Variants in TRDN observed in about 807,000 individuals in gnomAD.
The protein encoded by TRDN is triadin, also known as triadin in skeletal muscle.
Under a neutral mutation model 149.7 loss-of-function variants are expected in TRDN, and 161 were observed. That is an observed-to-expected ratio of 1.08 (90% CI 0.95 to 1.23). The LOEUF is 1.23. Among genes scored for constraint, TRDN ranks in the 50% most tolerant of loss-of-function variants. The pLI is 0.00. For synonymous variants in TRDN, 294 were observed against 250.5 expected (o/e 1.17, Z -1.64); for missense variants, 896 against 823.5 (o/e 1.09, Z -1.08).
intron 5 of TRDN, among the ~76,000 whole-genome samples, chr6:123,520,766 G>A (rs934601037): frequency 6.6e-6 from 1 of 152,050 alleles, no homozygotes; most frequent in African/African-American, 2.4e-5. Flanking sequence ...AACTGTAATC[G>A]CTTTCTCATA....
chr6:123,636,740 A>G lies in TRDN; in HGVS notation c.22+14T>C. On this transcript the variant is annotated intron_variant, in intron 1 of 40. Transcript: ENST00000334268. ...TTTTCCTTACTTGATACTATCGGAAAATGGTAGCAATACCTTCAGCAGTGA... is the reference window on the plus strand; with the variant it reads ...TTTTCCTTACTTGATACTATCGGAAGATGGTAGCAATACCTTCAGCAGTGA... The G allele has an allele frequency of 1.2e-6, 2 of 1,611,408 alleles. No homozygotes were observed. The highest frequency in any genetic ancestry group is 4.5e-5 in the East Asian group (2 of 44,724).
chr6:123,461,711 G>A (rs944210508), intron 10 of TRDN, among the ~76,000 whole-genome samples: 41 of 152,286 alleles, frequency 2.7e-4, no homozygotes, highest in African/African-American at 8.9e-4. Flanking sequence ...CTGTTTAACC[G>A]CTGAGGATTC....
chr6:123,369,206 C>G (rs755343673), intron 19 of TRDN, among the ~76,000 whole-genome samples: 3 of 152,136 alleles, frequency 2.0e-5, no homozygotes, highest in Non-Finnish European at 4.4e-5. Context: ...ATGTGGCAGT[C>G]TTCTGTATGC....
intron 2 of TRDN, among the ~76,000 whole-genome samples, chr6:123,554,784 G>T (rs573097071): frequency 3.3e-5 from 5 of 152,260 alleles, no homozygotes; most frequent in Middle Eastern, 3.4e-3. Context: ...TGGTGGGTCA[G>T]TATATGCATA....
intron 13 of TRDN, chr6:123,389,284 C>G (rs1274976705): frequency 6.6e-6 from 1 of 152,082 alleles, no homozygotes; most frequent in Non-Finnish European, 1.5e-5. Context: ...TAATGTTTAT[C>G]CAGGAGCCAA....
At chr6:123,380,440 C>T (rs1017069328) in intron 16 of TRDN, among the ~76,000 whole-genome samples, 2 of 152,178 alleles carry the variant, frequency 1.3e-5, no homozygotes, top group Admixed American at 1.3e-4. Context: ...AGTAGCTCTG[C>T]ACACACGTAA....
chr6:123,546,804 C>G (rs764473177), intron 4 of TRDN, among the ~76,000 whole-genome samples: 7 of 152,016 alleles, frequency 4.6e-5, no homozygotes, highest in Non-Finnish European at 1.0e-4. Context: ...ACAGCACATC[C>G]AGGCACATCC....
At chr6:123,375,732 G>T in intron 18 of TRDN, 101 bp from the exon 19 acceptor site, 1 of 944,922 alleles carries the variant, frequency 1.1e-6, no homozygotes. Flanking sequence ...AAGATTGTGT[G>T]TATAATATTG....
At chr6:123,610,626 T>G (rs772278508) in intron 1 of TRDN, among the ~76,000 whole-genome samples, 2 of 152,152 alleles carry the variant, frequency 1.3e-5, no homozygotes, top group Non-Finnish European at 2.9e-5. Flanking sequence ...ATGAGACATA[T>G]CCATGCTATG....
rs539379670 is a variant in TRDN at position 123,314,328 on chromosome 6, T to G, written c.1510+2129A>C. On this transcript the variant is annotated intron_variant, in intron 24 of 40. Coordinates refer to ENST00000334268, the MANE Select transcript of TRDN (RefSeq NM_006073.4). ...ATCTCACACCAGCCAGAATAGCTAT[T>G]ATTAAAGTCTAAAAGTAACAGATAC... is the stretch of plus-strand genomic sequence containing the variant. Among the ~76,000 whole-genome samples the G allele has an allele frequency of 1.6e-4, 24 of 152,028 alleles. No homozygotes were observed. In the South Asian group the frequency reaches 5.0e-3, roughly 32 times the overall value.
rs560302710 is a variant in TRDN at position 123,463,568 on chromosome 6, C to T, written c.931+1338G>A. Among the ~76,000 whole-genome samples the T allele has an allele frequency of 5.9e-5, 9 of 151,806 alleles. No homozygotes were observed. In the South Asian group the frequency reaches 1.0e-3, roughly 18 times the overall value. On this transcript the variant is annotated intron_variant, in intron 10 of 40. Transcript: ENST00000334268. ...TCCCTCAAGTTGGGAAATCTGAATT[C>T]GTTGCTTTATGTCCATCTGGAAACA...
At chr6:123,272,932 A>T (rs1170223138) in intron 29 of TRDN, 32 bp downstream of exon 29, 1 of 1,459,738 alleles carries the variant, frequency 6.9e-7, no homozygotes, top group Admixed American at 2.5e-5. Context: ...TTGAGAGGTT[A>T]TTTGAGACTA....
chr6:123,393,477 G>C, intron 13 of TRDN, 147 bp downstream of exon 13: 2 of 701,702 alleles, frequency 2.9e-6, no homozygotes, highest in Non-Finnish European at 4.5e-6. Context: ...ATAAATACTT[G>C]AACTGTGTAT....
At chr6:123,408,842 T>C (rs1406835609) in intron 12 of TRDN, among the ~76,000 whole-genome samples, 4 of 152,166 alleles carry the variant, frequency 2.6e-5, no homozygotes, top group East Asian at 1.9e-4. Flanking sequence ...ACGAGTGATA[T>C]ATAGCACTTT....
chr6:123,245,472 C>G (rs1401982283), intron 38 of TRDN, among the ~76,000 whole-genome samples: 1 of 151,932 alleles, frequency 6.6e-6, no homozygotes, highest in Non-Finnish European at 1.5e-5. Context: ...AGACTTTACA[C>G]CAACAAAGAT....
At chr6:123,501,442 T>C (rs1188682511) in intron 8 of TRDN, among the ~76,000 whole-genome samples, 1 of 150,916 alleles carries the variant, frequency 6.6e-6, no homozygotes, top group Non-Finnish European at 1.5e-5. Flanking sequence ...AGTCATCATA[T>C]AAAATTTTCA....
At chr6:123,229,532 T>C (rs12111031) in intron 38 of TRDN, among the ~76,000 whole-genome samples, 2,698 of 152,012 alleles carry the variant, frequency 0.018, 75 homozygotes, top group African/African-American at 0.061. Flanking sequence ...TGCCTGAAAG[T>C]TTTTACTTAT....
At chr6:123,609,987 A>G (rs796195233) in intron 1 of TRDN, among the ~76,000 whole-genome samples, 78 of 152,274 alleles carry the variant, frequency 5.1e-4, no homozygotes, top group African/African-American at 1.9e-3. Context: ...AGAAGTCCTG[A>G]AATAAGCTTT....
intron 4 of TRDN, among the ~76,000 whole-genome samples, chr6:123,536,711 A>AAATG (rs983243383): frequency 2.7e-5 from 4 of 149,652 alleles, no homozygotes; most frequent in Admixed American, 2.7e-4. Context: ...ATAAATAAAT[A>AAATG]AATAAATAAA....
Sources: allele counts gnomAD v4.1 joint callset (sites outside exome capture counted in the v4.1 genomes callset), GRCh38; gene constraint gnomAD v4.1.1; transcripts MANE v1.5; gene names NCBI Gene and HGNC (gene_info 2026-07-23, HGNC 2026-07-21).